Variants in RASA3 observed in about 807,000 individuals in gnomAD.
RASA3 encodes the protein RAS p21 protein activator 3.
Under a neutral mutation model 110.0 loss-of-function variants are expected in RASA3, and 73 were observed. The observed-to-expected ratio is 0.66, with a 90% CI of 0.55 to 0.81. The LOEUF (loss-of-function observed/expected upper bound fraction) is 0.81. RASA3 is among the 30% of genes least tolerant of loss of function. The pLI, the probability that RASA3 is intolerant of heterozygous loss-of-function variation, is 0.00. For synonymous variants in RASA3, 500 were observed against 451.4 expected, an observed-to-expected ratio of 1.11 and a Z score of -1.37; for missense variants, 976 against 1,113.2, an observed-to-expected ratio of 0.88 and a Z score of 1.75.
In RASA3 at chr13:114,015,307, C is replaced by T. The variant is rs781445863; in HGVS notation, c.1307G>A (p.Arg436His). 4.8e-5 allele frequency: 78 copies of T among 1,612,888 alleles called. No homozygotes were observed. The highest frequency in any genetic ancestry group is 5.5e-5 in the Non-Finnish European group (65 of 1,179,974). ...AGACTCAGTGATGGCGTGGAAGACG[C>T]GGTCCACATACTGCCGTAGGTTCTC... ...NMENLRQYVD[R>H]VFHAITESGV... The change falls in exon 14 of 24, where the codon CGC becomes CAC. Residue 436 changes from arginine (R) to histidine (H), a missense_variant. Around this residue, in one of 4 missense-constraint regions of RASA3, gnomAD observed 732 missense variants for 779.7 expected, o/e 0.94. Coordinates refer to ENST00000334062, the MANE Select transcript of RASA3 (RefSeq NM_007368.4).
At chr13:114,058,336 C>T (rs193194125) in intron 2 of RASA3, among the ~76,000 whole-genome samples, 12 of 152,148 alleles carry the variant, frequency 7.9e-5, no homozygotes, top group African/African-American at 2.9e-4. Context: ...ATTCCTCGGG[C>T]GTGAGGCTCA....
intron 4 of RASA3, among the ~76,000 whole-genome samples, chr13:114,030,985 C>G (rs961445428): frequency 2.6e-5 from 4 of 151,030 alleles, no homozygotes; most frequent in Non-Finnish European, 5.9e-5. Flanking sequence ...AGCTGTGTGT[C>G]CGCCTGTGTG....
chr13:114,060,992 G>A (rs2079334189), intron 2 of RASA3, among the ~76,000 whole-genome samples: 1 of 151,598 alleles, frequency 6.6e-6, no homozygotes, highest in African/African-American at 2.4e-5. Context: ...CCGGCAGACG[G>A]AGCCCCCCAC....
At chr13:114,125,620 C>A (rs1267507428) in intron 1 of RASA3, among the ~76,000 whole-genome samples, 3 of 152,144 alleles carry the variant, frequency 2.0e-5, no homozygotes, top group Non-Finnish European at 4.4e-5. Flanking sequence ...GTGGGGAGAC[C>A]CCAACTCCTC....
chr13:114,070,383 C>A (rs1422071804), intron 2 of RASA3, among the ~76,000 whole-genome samples: 1 of 152,094 alleles, frequency 6.6e-6, no homozygotes, highest in Non-Finnish European at 1.5e-5. Flanking sequence ...ATGACTAATA[C>A]AGGACTCTGT....
rs1464121764 is a variant in RASA3, at chr13:114,077,689, C to G, written c.56-3852G>C. On this transcript the variant is annotated intron_variant, in intron 1 of 23. Coordinates refer to ENST00000334062, the MANE Select transcript of RASA3 (RefSeq NM_007368.4). Reference sequence around the variant, plus strand: ...CTCCCTGCCCAACGATGCCCAGTTCCCCCGCACTGGCACCAAGGCACCGGG... The same window carrying G: ...CTCCCTGCCCAACGATGCCCAGTTCGCCCGCACTGGCACCAAGGCACCGGG... 4.3e-5 allele frequency: 14 copies of G among 322,328 alleles called. No homozygotes were observed. In the Admixed American group the frequency reaches 9.3e-4, roughly 21 times the overall value. 20.0% of individuals were successfully genotyped at this position (322,328 alleles called of 1,614,324 possible).
chr13:114,029,733 T>C, intron 5 of RASA3, 78 bp downstream of exon 5: 1 of 1,367,870 alleles, frequency 7.3e-7, no homozygotes, highest in Non-Finnish European at 1.0e-6. Flanking sequence ...TGCGTTGGTG[T>C]GAAAACCCCT....
At chr13:114,047,753 A>C (rs1460857088) in intron 3 of RASA3, among the ~76,000 whole-genome samples, 2 of 152,254 alleles carry the variant, frequency 1.3e-5, no homozygotes, top group Non-Finnish European at 2.9e-5. Flanking sequence ...GGACCAGCGC[A>C]GTGGCAGAGG....
In RASA3 at chr13:114,018,917, T is replaced by A. The variant is rs1241343295; in HGVS notation, c.788A>T (p.Tyr263Phe). Residue 263 changes from tyrosine to phenylalanine, a missense_variant and splice_region_variant, in exon 10 of 24, where the codon TAC becomes TTC. Transcript: ENST00000334062. ...ACCATTGTCCCGGGGCTGGAGGAAG[T>A]ACCTGGGTGGGAGGGACACATGGAG... ...LRQSSSYEAW[Y>F]FLQPRDNGSK... is the part of the protein sequence containing the mutation. The A allele has an allele frequency of 6.2e-7, 1 of 1,613,540 alleles. No homozygotes were observed. The highest frequency in any genetic ancestry group is 1.7e-5 in the Admixed American group (1 of 60,006).
intron 1 of RASA3, among the ~76,000 whole-genome samples, chr13:114,116,803 T>C (rs1364595775): frequency 9.6e-6 from 1 of 104,118 alleles, no homozygotes; most frequent in Non-Finnish European, 1.9e-5. Context: ...GTGTGAGGGG[T>C]GCATGTGTGT....
In RASA3 at chr13:114,015,087, G is replaced by A. The variant is rs191052148; in HGVS notation, c.1405+122C>T. 3.6e-4 allele frequency: 481 copies of A among 1,331,216 alleles called. 1 individual carries two copies. The African/African-American group carries it at 6.3e-3, about 17-fold the overall frequency. 82.5% of individuals were successfully genotyped at this position (1,331,216 alleles called of 1,614,324 possible). ...CCCGGAAAAATCCAGCATCGGAACT[G>A]GGGTTCACGACCCCGCAGTTCTAGT... On this transcript the variant is annotated intron_variant, in intron 14 of 23. Coordinates refer to ENST00000334062, the MANE Select transcript of RASA3 (RefSeq NM_007368.4).
At chr13:114,073,015 T>C (rs1186630205) in intron 2 of RASA3, among the ~76,000 whole-genome samples, 110 of 126,258 alleles carry the variant, frequency 8.7e-4, no homozygotes, top group South Asian at 1.0e-3. Context: ...CGCGGGAAAA[T>C]GGGACGGTGA....
chr13:114,045,041 C>T (rs933723690), intron 3 of RASA3, among the ~76,000 whole-genome samples: 11 of 152,172 alleles, frequency 7.2e-5, no homozygotes, highest in Non-Finnish European at 1.6e-4. Flanking sequence ...GATCCCTGCC[C>T]CTGCCACCTC....
intron 4 of RASA3, among the ~76,000 whole-genome samples, chr13:114,035,125 C>G (rs1226107093): frequency 6.6e-6 from 1 of 152,144 alleles, no homozygotes; most frequent in Non-Finnish European, 1.5e-5. Flanking sequence ...AAACTAAACC[C>G]AGAGCCCAAG....
rs557310028 is a variant in RASA3 at position 114,064,716 on chromosome 13, C to T, written c.173+9004G>A. Among the ~76,000 whole-genome samples, 4 of 152,358 alleles carry T rather than the reference C, an allele frequency of 2.6e-5. No homozygotes were observed. The South Asian group carries it at 8.3e-4, about 32-fold the overall frequency. On this transcript the variant is annotated intron_variant, in intron 2 of 23. Transcript: ENST00000334062. Reference sequence around the variant, plus strand: ...AAAGGGGCCACACAGCCACCAGGTGCCCCCCTTCCCATCAGCAGCTTAACC... The same window carrying T: ...AAAGGGGCCACACAGCCACCAGGTGTCCCCCTTCCCATCAGCAGCTTAACC...
At chr13:114,079,117 C>A (rs116465279) in intron 1 of RASA3, among the ~76,000 whole-genome samples, 11,285 of 152,294 alleles carry the variant, frequency 0.074, 462 homozygotes, top group Middle Eastern at 0.13. Context: ...CGGGTGAGGA[C>A]GAGGGCCCAG....
rs3831179 is a variant in RASA3 at position 114,009,768 on chromosome 13, GA to G, written c.1591-305del. ...CACACCTGGGTCCCAGGCTCATGAAGAGGTACGTTGGGGCCCAGATGTGGCT... is the reference window on the plus strand; with the variant it reads ...CACACCTGGGTCCCAGGCTCATGAAGGGTACGTTGGGGCCCAGATGTGGCT... On this transcript the variant is annotated intron_variant, in intron 16 of 23. Transcript: ENST00000334062. Among the ~76,000 whole-genome samples, 69 of 152,356 alleles carry G rather than the reference GA, an allele frequency of 4.5e-4. 1 individual carries two copies. The East Asian group carries it at 0.013, about 29-fold the overall frequency.
chr13:114,008,549 A>G (rs1168039563), intron 17 of RASA3, among the ~76,000 whole-genome samples: 9 of 29,348 alleles, frequency 3.1e-4, no homozygotes, highest in African/African-American at 3.0e-4. Flanking sequence ...GGGCCTGGAT[A>G]TTCCCCCCAC....
intron 17 of RASA3, 25 bp downstream of exon 17, chr13:114,009,362 G>C (rs368935397): frequency 1.3e-6 from 2 of 1,573,842 alleles, no homozygotes; most frequent in Admixed American, 3.3e-5. Flanking sequence ...GCACACGGGC[G>C]GTCGGAGGGT....
Sources: gnomAD v4.1 joint callset for allele counts (sites outside exome capture counted in the v4.1 genomes callset) on GRCh38, gnomAD v4.1.1 for gene constraint, gnomAD v4.1.1 regional missense constraint, MANE v1.5 for transcripts, NCBI Gene and HGNC (gene_info 2026-07-23, HGNC 2026-07-21) for gene names.